GPR39: variants seen among roughly 807,000 people sequenced by gnomAD.
The protein encoded by GPR39 is zinc sensing receptor.
Under a neutral mutation model 18.4 loss-of-function variants are expected in GPR39, and 23 were observed. The observed-to-expected ratio is 1.25, with a 90% CI of 0.90 to 1.77. The LOEUF (loss-of-function observed/expected upper bound fraction) is 1.77, where lower values mean the gene tolerates loss of function less well. Among genes scored for constraint, GPR39 ranks in the 40% most tolerant of loss-of-function variants. The pLI, the probability that GPR39 is intolerant of heterozygous loss-of-function variation, is 0.00. For missense variants in GPR39, 647 were observed against 602.4 expected, an observed-to-expected ratio of 1.07 and a Z score of -0.78; for synonymous variants, 280 against 257.9, an observed-to-expected ratio of 1.09 and a Z score of -0.82.
chr2:132,592,554 T>C (rs1263505282), intron 1 of GPR39, among the ~76,000 whole-genome samples: 1 of 152,024 alleles, frequency 6.6e-6, no homozygotes, highest in Non-Finnish European at 1.5e-5. Flanking sequence ...TGCAGAGCCA[T>C]TGGGAGGGCT....
intron 1 of GPR39, among the ~76,000 whole-genome samples, chr2:132,583,382 CAAAAAA>C (rs10707930): frequency 2.8e-5 from 4 of 143,344 alleles, no homozygotes; most frequent in Non-Finnish European, 4.6e-5. Context: ...ACATATCCCT[CAAAAAA>C]AAAAAAAAGT....
chr2:132,477,019 A>G (rs1558809845), intron 1 of GPR39, among the ~76,000 whole-genome samples: 1 of 152,184 alleles, frequency 6.6e-6, no homozygotes, highest in African/African-American at 2.4e-5. Flanking sequence ...GTGGTGGGCT[A>G]TGGTCCCCCT....
intron 1 of GPR39, among the ~76,000 whole-genome samples, chr2:132,597,576 A>C (rs766121426): frequency 6.6e-6 from 1 of 152,220 alleles, no homozygotes; most frequent in Non-Finnish European, 1.5e-5. Context: ...CAGATCCAGA[A>C]GCACTCTTGG....
At chr2:132,497,518 C>T (rs1318845301) in intron 1 of GPR39, among the ~76,000 whole-genome samples, 1 of 152,152 alleles carries the variant, frequency 6.6e-6, no homozygotes, top group East Asian at 1.9e-4. Flanking sequence ...TGCTAGATTC[C>T]ATTCTGTTAC....
chr2:132,580,988 C>CAAAAAAAAAAAAAAAAAAAAAAAA (rs139481939), intron 1 of GPR39, among the ~76,000 whole-genome samples: 1 of 138,038 alleles, frequency 7.2e-6, no homozygotes, highest in African/African-American at 2.8e-5. Context: ...AAAAAAACAC[C>CAAAAAAAAAAAAAAAAAAAAAAAA]AAAAAAAAAC....
chr2:132,616,136 AAG>A (rs2104854910), intron 1 of GPR39, among the ~76,000 whole-genome samples: 1 of 152,174 alleles, frequency 6.6e-6, no homozygotes, highest in Admixed American at 6.5e-5. Flanking sequence ...ATTGTTTATT[AAG>A]AGACTTTTAT....
rs750048467 is a variant in GPR39, at chr2:132,417,535, C to A, written c.493C>A (p.Leu165Met). The part of the protein sequence containing the change: ...LIGFVWVTSA[L>M]VALPLLFAMG... The stretch of plus-strand genomic sequence containing the variant: ...TGGCTTCGTCTGGGTCACCTCCGCC[C>A]TGGTGGCACTGCCCTTGCTGTTTGC... Residue 165 changes from leucine (L) to methionine (M), a missense_variant, in exon 1 of 2, where the codon CTG (leucine) becomes ATG (methionine). Around this residue, in one of 3 missense-constraint regions of GPR39, gnomAD observed 581 missense variants for 506.8 expected, o/e 1.15. Transcript: ENST00000329321. 3 of 1,614,200 alleles carry A rather than the reference C, an allele frequency of 1.9e-6. No homozygotes were observed. Among genetic ancestry groups the A allele is most frequent in the Non-Finnish European group, 2.5e-6 (3 of 1,180,040 alleles).
chr2:132,505,936 C>A (rs1176701274), intron 1 of GPR39, among the ~76,000 whole-genome samples: 1 of 152,170 alleles, frequency 6.6e-6, no homozygotes, highest in African/African-American at 2.4e-5. Flanking sequence ...ATTGATGGAT[C>A]ATATGGTAGT....
intron 1 of GPR39, among the ~76,000 whole-genome samples, chr2:132,589,936 G>C (rs1156949799): frequency 2.0e-5 from 3 of 152,184 alleles, no homozygotes; most frequent in African/African-American, 7.2e-5. Context: ...GAAAAGGGCT[G>C]ATGTGCCTTA....
intron 1 of GPR39, among the ~76,000 whole-genome samples, chr2:132,423,257 G>T (rs571971961): frequency 3.9e-5 from 6 of 152,166 alleles, no homozygotes; most frequent in African/African-American, 1.4e-4. Flanking sequence ...ATGAATAGCT[G>T]TCTTCTCATT....
chr2:132,581,839 G>A (rs368854453), intron 1 of GPR39, among the ~76,000 whole-genome samples: 22 of 152,312 alleles, frequency 1.4e-4, no homozygotes, highest in Middle Eastern at 3.4e-3. Context: ...CTTTCAGGGC[G>A]AGTGATTCAT....
At chr2:132,622,770 G>A (rs1030675631) in intron 1 of GPR39, among the ~76,000 whole-genome samples, 2 of 152,212 alleles carry the variant, frequency 1.3e-5, no homozygotes, top group Non-Finnish European at 1.5e-5. Context: ...ATCATGTGAT[G>A]CCATACCAGA....
rs141049216 is a variant in GPR39, at chr2:132,582,377, T to C, written c.857-62724T>C. ...GGGGGAAGGACTTGGATAATGTAAT[T>C]CTTAAGTGATTTGCAATGTGCCTTT... On this transcript the variant is annotated intron_variant, in intron 1 of 1. Coordinates refer to ENST00000329321, the MANE Select transcript of GPR39 (RefSeq NM_001508.3). Among the ~76,000 whole-genome samples, 964 of 152,352 alleles carry C rather than the reference T, an allele frequency of 6.3e-3. 9 individuals carry two copies. Among genetic ancestry groups the C allele is most frequent in the Non-Finnish European group, 7.9e-3 (537 of 68,042 alleles).
At chr2:132,555,637 C>T (rs1458781793) in intron 1 of GPR39, among the ~76,000 whole-genome samples, 1 of 152,156 alleles carries the variant, frequency 6.6e-6, no homozygotes, top group African/African-American at 2.4e-5. Flanking sequence ...GGAAGTCACT[C>T]ATTAGCATTT....
At chr2:132,573,833 G>A (rs1180885154) in intron 1 of GPR39, among the ~76,000 whole-genome samples, 1 of 152,112 alleles carries the variant, frequency 6.6e-6, no homozygotes, top group Non-Finnish European at 1.5e-5. Context: ...GGGGCTGAGA[G>A]AAAAACCAAG....
chr2:132,496,609 C>A (rs1317163668), intron 1 of GPR39, among the ~76,000 whole-genome samples: 3 of 152,154 alleles, frequency 2.0e-5, no homozygotes, highest in Admixed American at 1.3e-4. Flanking sequence ...TTTACCAAAC[C>A]TTTTTGTTTT....
At chr2:132,630,952 C>T (rs2104869283) in intron 1 of GPR39, among the ~76,000 whole-genome samples, 1 of 152,188 alleles carries the variant, frequency 6.6e-6, no homozygotes, top group South Asian at 2.1e-4. Flanking sequence ...GATAAGCTCT[C>T]CAAGCTGTGA....
intron 1 of GPR39, among the ~76,000 whole-genome samples, chr2:132,566,826 C>T (rs1414756183): frequency 6.6e-6 from 1 of 152,172 alleles, no homozygotes; most frequent in Non-Finnish European, 1.5e-5. Context: ...CTCAGCTTTC[C>T]CTCCAAGGCC....
At position 132,469,128 on chromosome 2, in the gene GPR39, G is replaced by C. The variant is rs10200811; in HGVS notation, c.856+51230G>C. 6.2e-4 allele frequency among the ~76,000 whole-genome samples: 95 copies of C among 152,100 alleles called. 2 individuals carry two copies. The East Asian group carries it at 0.016, about 26-fold the overall frequency. ...CAATTCCTGCAAGTTGCTTCATTCC[G>C]TTGTGTCTTTCCCTTGGGTGGAGCC... is the stretch of plus-strand genomic sequence containing the variant. On this transcript the variant is annotated intron_variant, in intron 1 of 1. Coordinates refer to ENST00000329321, the MANE Select transcript of GPR39 (RefSeq NM_001508.3).
Sources: allele counts gnomAD v4.1 joint callset (sites outside exome capture counted in the v4.1 genomes callset), GRCh38; gene constraint gnomAD v4.1.1; regional missense constraint gnomAD v4.1.1; transcripts MANE v1.5; gene names NCBI Gene and HGNC (gene_info 2026-07-23, HGNC 2026-07-21).